ZKSCAN4: variants seen among roughly 807,000 people sequenced by gnomAD.
ZKSCAN4 encodes zinc finger protein with KRAB and SCAN domains 4.
Under a neutral mutation model 30.8 loss-of-function variants are expected in ZKSCAN4, and 23 were observed. That is an observed-to-expected ratio of 0.75 (90% CI 0.54 to 1.06). ZKSCAN4 has a LOEUF of 1.06. Ranked by LOEUF, ZKSCAN4 falls within the 50% of genes least tolerant of loss-of-function variation. The pLI is 0.00. For missense variants in ZKSCAN4, 556 were observed against 665.4 expected (o/e 0.84, Z 1.81); for synonymous variants, 208 against 252.5 (o/e 0.82, Z 1.67).
chr6:28,256,616 A>C (rs1581595083), upstream of ZKSCAN4, among the ~76,000 whole-genome samples: 3 of 152,096 alleles, frequency 2.0e-5, no homozygotes, highest in Admixed American at 2.0e-4. Context: ...CTATTTTCTT[A>C]AAGTTCTTCA....
rs1581585899 is a variant in ZKSCAN4 at position 28,249,816 on chromosome 6, C to T, written c.442G>A (p.Gly148Arg). 1.2e-6 allele frequency: 2 copies of T among 1,613,838 alleles called. No homozygotes were observed. Among genetic ancestry groups the T allele is most frequent in the South Asian group, 2.2e-5 (2 of 90,992 alleles). ...ATCTTGCAACAGAGCAGTTCTTGCC[C>T]CTGGTCACCAACGGGAACCTAGAAG... ...PAPQVPVGDQ[G>R]QELLCCKMAL... The change falls in exon 2 of 5, where the codon GGG becomes AGG. Residue 148 changes from glycine (G) to arginine (R), a missense_variant. Physicochemically the swap from Gly to Arg is moderately radical, Grantham distance 125. Around this residue, in one of 3 missense-constraint regions of ZKSCAN4, gnomAD observed 433 missense variants for 511.5 expected, o/e 0.85. Coordinates refer to ENST00000377294, the MANE Select transcript of ZKSCAN4 (RefSeq NM_019110.5). This position sits in a 1 kb window ranked among gnomAD's most constrained non-coding sequence, Gnocchi z 4.1.
rs565023255 is a variant in ZKSCAN4 at position 28,243,664 on chromosome 6, CT to C, written c.*1451del. On this transcript the variant is annotated 3_prime_UTR_variant, in exon 5 of 5. Coordinates refer to ENST00000377294, the MANE Select transcript of ZKSCAN4 (RefSeq NM_019110.5). ...CTTCTGAACAGACACATTTTCTTTT[CT>C]TTTTTTTTTTTCTTTTTGAGACAGA... Among the ~76,000 whole-genome samples, 1,133 of 144,522 alleles carry C rather than the reference CT, an allele frequency of 7.8e-3. 14 individuals carry two copies. The highest frequency in any genetic ancestry group is 0.028 in the African/African-American group (1,080 of 38,500). 94.8% of individuals were successfully genotyped at this position (144,522 alleles called of 152,430 possible).
Position 28,251,944 on chromosome 6 carries a change from C to T in ZKSCAN4, c.37G>A (p.Ala13Thr). 1 of 1,522,572 alleles carries T rather than the reference C, an allele frequency of 6.6e-7. No homozygotes were observed. Among genetic ancestry groups the T allele is most frequent in the Non-Finnish European group, 8.8e-7 (1 of 1,140,024 alleles). 94.3% of individuals were successfully genotyped at this position (1,522,572 alleles called of 1,614,324 possible). ...CCCGTCTGGTCTTCTGCAGACTGGG[C>T]GTCCAGGGCTGCGTTTTTTCTCGGT... The part of the protein sequence containing the change: ...REPRKNAALD[A>T]QSAEDQTGLL... Residue 13 changes from alanine to threonine, a missense_variant, in exon 1 of 5, where the codon GCC becomes ACC. Coordinates refer to ENST00000377294, the MANE Select transcript of ZKSCAN4 (RefSeq NM_019110.5). This position sits in a 1 kb window ranked among gnomAD's most constrained non-coding sequence, Gnocchi z 4.5.
rs951983534 is a variant in ZKSCAN4 at position 28,251,741 on chromosome 6, T to C, written c.240A>G (p.Gln80=). 7 of 1,614,236 alleles carry C rather than the reference T, an allele frequency of 4.3e-6. No homozygotes were observed. The highest frequency in any genetic ancestry group is 2.2e-5 in the East Asian group (1 of 44,878). The change falls in exon 1 of 5, where the codon CAA becomes CAG. Residue 80 remains glutamine, a synonymous_variant. Coordinates refer to ENST00000377294, the MANE Select transcript of ZKSCAN4 (RefSeq NM_019110.5). This position sits in a 1 kb window ranked among gnomAD's most constrained non-coding sequence, Gnocchi z 4.5. ...ALSRLRELCG[Q]WLQPEMHSKE... ...TGCTGTGCATCTCAGGCTGCAGCCA[T>C]TGTCCGCAGAGTTCTCGGAGCCGGC... is the stretch of plus-strand genomic sequence containing the variant.
Position 28,251,560 on chromosome 6 carries a change from G to C in ZKSCAN4, c.421C>G (p.Gln141Glu). 6.2e-7 allele frequency: 1 copy of C among 1,614,136 alleles called. No homozygotes were observed. The highest frequency in any genetic ancestry group is 8.5e-7 in the Non-Finnish European group (1 of 1,180,028). ...LERQLDEPAP[Q>E]VPVGDQGQEL... ...GATACTAAACCTGTTCTTTCTACCT[G>C]CGGCGCCGGCTCATCCAGCTGCCTC... Residue 141 changes from glutamine to glutamate, a missense_variant and splice_region_variant, in exon 1 of 5, where the codon CAG (glutamine) becomes GAG (glutamate). Transcript: ENST00000377294. The surrounding 1 kb of genome is among the most constrained non-coding windows in gnomAD (Gnocchi z 4.5).
In ZKSCAN4 at chr6:28,251,950, G is replaced by A; in HGVS notation, c.31C>T (p.Leu11=). The A allele has an allele frequency of 2.0e-6, 3 of 1,521,878 alleles. No individual in the cohort carries two copies. The highest frequency in any genetic ancestry group is 2.6e-6 in the Non-Finnish European group (3 of 1,139,528). The allele number at this position is 1,521,878 out of a possible 1,614,324, so 94.3% of individuals were successfully genotyped here. MAREPRKNAA[L]DAQSAEDQTG... is the part of the protein sequence containing the mutation. ...TGGTCTTCTGCAGACTGGGCGTCCA[G>A]GGCTGCGTTTTTTCTCGGTTCTCTA... The change falls in exon 1 of 5, where the codon CTG becomes TTG. Residue 11 remains leucine, a synonymous_variant. Coordinates refer to ENST00000377294, the MANE Select transcript of ZKSCAN4 (RefSeq NM_019110.5). This position sits in a 1 kb window ranked among gnomAD's most constrained non-coding sequence, Gnocchi z 4.5.
At chr6:28,255,895 G>A (rs1422765000), upstream of ZKSCAN4, among the ~76,000 whole-genome samples, 1 of 152,060 alleles carries the variant, frequency 6.6e-6, no homozygotes, top group Admixed American at 6.5e-5. Context: ...AAACTAATGG[G>A]ACTACTCTCA....
intron 3 of ZKSCAN4, among the ~76,000 whole-genome samples, chr6:28,247,633 G>A (rs1435818693): frequency 1.3e-5 from 2 of 152,216 alleles, no homozygotes; most frequent in Non-Finnish European, 2.9e-5. Flanking sequence ...TGCCTTATCT[G>A]ACCTTTCAAG....
upstream of ZKSCAN4, among the ~76,000 whole-genome samples, chr6:28,252,435 A>G (rs1184432874): frequency 6.6e-6 from 1 of 152,296 alleles, no homozygotes; most frequent in South Asian, 2.1e-4. Flanking sequence ...ACCTTGGATC[A>G]TAAGAAATAG....
chr6:28,258,396 C>T, the ZKSCAN4 span, among the ~76,000 whole-genome samples: 1 of 151,938 alleles, frequency 6.6e-6, no homozygotes, highest in Non-Finnish European at 1.5e-5. Flanking sequence ...AGAAGTCTCC[C>T]TAGATAGAAA....
rs1760506260 is a variant in ZKSCAN4 at position 28,241,741 on chromosome 6, T to C, written c.*3375A>G. On this transcript the variant is annotated 3_prime_UTR_variant, in exon 5 of 5. Transcript: ENST00000377294. ...TATAGTCTTTATTATTAAACAATTA[T>C]AATTCCTTTATTTGGAGGTTTCCAT... is the stretch of plus-strand genomic sequence containing the variant. 6.6e-6 allele frequency among the ~76,000 whole-genome samples: 1 copy of C among 152,178 alleles called. No homozygotes were observed. The highest frequency in any genetic ancestry group is 2.1e-4 in the South Asian group (1 of 4,836).
In ZKSCAN4 at chr6:28,245,688, T is replaced by C; in HGVS notation, c.1066A>G (p.Thr356Ala). The C allele has an allele frequency of 6.2e-7, 1 of 1,613,816 alleles. No homozygotes were observed. Among genetic ancestry groups the C allele is most frequent in the Non-Finnish European group, 8.5e-7 (1 of 1,179,912 alleles). The change falls in exon 5 of 5, where the codon ACC (threonine) becomes GCC (alanine). Residue 356 changes from threonine (T) to alanine (A), a missense_variant. Transcript: ENST00000377294. Reference sequence around the variant, plus strand: ...ACAAGGGCAGAGCTCCCAATGAAGGTCTTTCCACAGTCTTCACATTCATAG... The same window carrying C: ...ACAAGGGCAGAGCTCCCAATGAAGGCCTTTCCACAGTCTTCACATTCATAG... ...KPYECEDCGK[T>A]FIGSSALVIH...
intron 1 of ZKSCAN4, among the ~76,000 whole-genome samples, chr6:28,250,830 T>C (rs911525229): frequency 2.0e-5 from 3 of 152,186 alleles, no homozygotes; most frequent in Non-Finnish European, 4.4e-5. Context: ...TTGCGTGCAA[T>C]AGACCTAAGT....
Position 28,245,774 on chromosome 6 carries a change from T to A in ZKSCAN4, c.980A>T (p.Lys327Met). ...SRRHYCHECGKSFAQSSGLTK... is the reference protein window; with the variant it reads ...SRRHYCHECGMSFAQSSGLTK... ...CAGGCCTGAACTTTGAGCAAAACTC[T>A]TTCCACATTCATGGCAATAATGTCG... Residue 327 changes from lysine (K) to methionine (M), a missense_variant, in exon 5 of 5, where the codon AAG becomes ATG. By Grantham distance (95) the Lys-to-Met change is moderately conservative (BLOSUM62 -1). Around this residue, in one of 3 missense-constraint regions of ZKSCAN4, gnomAD observed 433 missense variants for 511.5 expected, o/e 0.85. Coordinates refer to ENST00000377294, the MANE Select transcript of ZKSCAN4 (RefSeq NM_019110.5). 2 of 1,614,284 alleles carry A rather than the reference T, an allele frequency of 1.2e-6. No homozygotes were observed. The highest frequency in any genetic ancestry group is 1.7e-6 in the Non-Finnish European group (2 of 1,180,054).
chr6:28,245,141 A>G lies in ZKSCAN4; in HGVS notation c.1613T>C (p.Val538Ala), dbSNP rs1318275371. The G allele has an allele frequency of 6.2e-7, 1 of 1,613,996 alleles. No homozygotes were observed. Among genetic ancestry groups the G allele is most frequent in the South Asian group, 1.1e-5 (1 of 91,046 alleles). ...TCACTGTGAAAGAGTTTTTTTCCCT[A>G]CATGGCTTCTCTGATGTTGAACAAG... ...SYLVQHQRSH[V>A]GKKTLSQ Residue 538 changes from valine (V) to alanine (A), a missense_variant, in exon 5 of 5, where the codon GTA (valine) becomes GCA (alanine). Transcript: ENST00000377294.
chr6:28,251,998 C>T lies in ZKSCAN4; in HGVS notation c.-18G>A. On this transcript the variant is annotated 5_prime_UTR_variant, in exon 1 of 5. Coordinates refer to ENST00000377294, the MANE Select transcript of ZKSCAN4 (RefSeq NM_019110.5). This position sits in a 1 kb window ranked among gnomAD's most constrained non-coding sequence, Gnocchi z 4.5. ...CTAGCCATTCTGACCCAAGGCAGTA[C>T]TCGGGTCTCACTCTAGTTGCGACCT... 1 of 1,514,546 alleles carries T rather than the reference C, an allele frequency of 6.6e-7. No homozygotes were observed. Among genetic ancestry groups the T allele is most frequent in the Non-Finnish European group, 8.8e-7 (1 of 1,134,514 alleles). The allele number at this position is 1,514,546 out of a possible 1,614,324, so 93.8% of individuals were successfully genotyped here.
chr6:28,249,670 C>A lies in ZKSCAN4; in HGVS notation c.571+17G>T. The A allele has an allele frequency of 6.2e-7, 1 of 1,611,252 alleles. No individual in the cohort carries two copies. Among genetic ancestry groups the A allele is most frequent in the Non-Finnish European group, 8.5e-7 (1 of 1,179,024 alleles). ...TGAAGTCTATAGAATTCATACAACC[C>A]AGAAGAGAATACTCACCTCTATCGT... On this transcript the variant is annotated intron_variant, in intron 2 of 4. Transcript: ENST00000377294. The surrounding 1 kb of genome is among the most constrained non-coding windows in gnomAD (Gnocchi z 4.1).
Position 28,242,618 on chromosome 6 carries a change from G to T in ZKSCAN4, c.*2498C>A, listed in dbSNP as rs577273822. On this transcript the variant is annotated 3_prime_UTR_variant, in exon 5 of 5. Transcript: ENST00000377294. ...TGTCCATATAATAACAGCTTGCACAGCTGGAAGCATCCTTTTCCTTCTCTG... is the reference window on the plus strand; with the variant it reads ...TGTCCATATAATAACAGCTTGCACATCTGGAAGCATCCTTTTCCTTCTCTG... Among the ~76,000 whole-genome samples, 1 of 152,280 alleles carries T rather than the reference G, an allele frequency of 6.6e-6. No individual in the cohort carries two copies. The highest frequency in any genetic ancestry group is 2.1e-4 in the South Asian group (1 of 4,834).
Position 28,245,994 on chromosome 6 carries a change from G to A in ZKSCAN4, c.779-19C>T, listed in dbSNP as rs770513319. 8 of 1,614,106 alleles carry A rather than the reference G, an allele frequency of 5.0e-6. No individual in the cohort carries two copies. The highest frequency in any genetic ancestry group is 1.6e-4 in the Middle Eastern group (1 of 6,062). ...TCACCACCTGAAACAACAAATGGCCGGCAACTGTGGGTTATGCCCTGCCAT... is the reference window on the plus strand; with the variant it reads ...TCACCACCTGAAACAACAAATGGCCAGCAACTGTGGGTTATGCCCTGCCAT... On this transcript the variant is annotated intron_variant, in intron 4 of 4. Coordinates refer to ENST00000377294, the MANE Select transcript of ZKSCAN4 (RefSeq NM_019110.5).
Sources: allele counts gnomAD v4.1 joint callset (sites outside exome capture counted in the v4.1 genomes callset), GRCh38; gene constraint gnomAD v4.1.1; regional missense constraint gnomAD v4.1.1; non-coding constraint Gnocchi (gnomAD v3.1); transcripts MANE v1.5; gene names NCBI Gene and HGNC (gene_info 2026-07-23, HGNC 2026-07-21).